TAL1: variants seen among roughly 807,000 people sequenced by gnomAD.
TAL1 encodes the protein T-cell acute lymphocytic leukemia protein 1.
In TAL1, 8 loss-of-function variants were observed where a neutral mutation model predicts 17.9. The observed-to-expected ratio is 0.45, with a 90% CI of 0.26 to 0.81. The LOEUF is 0.81. Among genes scored for constraint, TAL1 ranks in the 30% least tolerant of loss-of-function variants. TAL1 has a pLI of 0.17. For synonymous variants in TAL1, 223 were observed against 218.6 expected (o/e 1.02, Z -0.18); for missense variants, 466 against 486.9 (o/e 0.96, Z 0.40).
At chr1:47,225,031 A>G (rs995900574) in intron 2 of TAL1, among the ~76,000 whole-genome samples, 1 of 150,992 alleles carries the variant, frequency 6.6e-6, no homozygotes, top group African/African-American at 2.4e-5. Flanking sequence ...ATTTCACACC[A>G]CAAACATCTA....
chr1:47,225,783 C>G (rs1643899826), exon 2 of TAL1: 2 of 1,558,506 alleles, frequency 1.3e-6, no homozygotes, highest in Admixed American at 1.8e-5. Flanking sequence ...TTGGCGACGC[C>G]GTTCAGCAGG....
At chr1:47,225,475 G>A in exon 2 of TAL1, 2 of 1,235,566 alleles carry the variant, frequency 1.6e-6, no homozygotes, top group Non-Finnish European at 2.0e-6. Context: ...GGCTGAGGCT[G>A]TAGAGCAGCG....
At chr1:47,225,095 C>T (rs1293615749) in intron 2 of TAL1, among the ~76,000 whole-genome samples, 2 of 152,220 alleles carry the variant, frequency 1.3e-5, no homozygotes, top group African/African-American at 4.8e-5. Flanking sequence ...TACCCACGCT[C>T]AGGGGACTCC....
At chr1:47,225,493 G>C (rs1338860581) in exon 2 of TAL1, 6 of 1,234,930 alleles carry the variant, frequency 4.9e-6, no homozygotes, top group Non-Finnish European at 6.1e-6. Flanking sequence ...GCGCGCGGCC[G>C]GGGGCGGCGG....
At chr1:47,226,488 A>C (rs949750210) in intron 1 of TAL1, among the ~76,000 whole-genome samples, 4 of 152,216 alleles carry the variant, frequency 2.6e-5, no homozygotes, top group African/African-American at 7.2e-5. Context: ...CCACTCCGCC[A>C]GAGCTGGCAG....
exon 4 of TAL1, chr1:47,216,958 C>G (rs188166811): frequency 2.0e-4 from 46 of 232,268 alleles, no homozygotes; most frequent in African/African-American, 9.7e-4. Context: ...TTACAAAGAC[C>G]TAAAGACTTG....
exon 4 of TAL1, chr1:47,216,336 A>G (rs754859473): frequency 3.6e-5 from 8 of 219,228 alleles, no homozygotes; most frequent in Non-Finnish European, 7.3e-5. Context: ...ATACATCCTC[A>G]CATATATATA....
chr1:47,224,164 G>A, intron 2 of TAL1, 66 bp from the exon 4 acceptor site: 3 of 1,537,736 alleles, frequency 2.0e-6, no homozygotes, highest in Non-Finnish European at 2.7e-6. Flanking sequence ...AGCTTCCTTA[G>A]GGATCCTCCC....
At chr1:47,224,296 A>G (rs1557677770) in intron 2 of TAL1, among the ~76,000 whole-genome samples, 198 bp from the exon 4 acceptor site, 1 of 151,896 alleles carries the variant, frequency 6.6e-6, no homozygotes, top group Non-Finnish European at 1.5e-5. Flanking sequence ...GTCTGTCATA[A>G]AACAAGCAAA....
At chr1:47,219,502 C>G (rs1336598476) in exon 4 of TAL1, 2 of 758,528 alleles carry the variant, frequency 2.6e-6, no homozygotes, top group East Asian at 5.4e-5. Flanking sequence ...CAAAAAGTAC[C>G]TACCACTTTG....
chr1:47,224,521 C>T (rs1039875222), intron 2 of TAL1, among the ~76,000 whole-genome samples: 1 of 152,148 alleles, frequency 6.6e-6, no homozygotes, highest in Admixed American at 6.5e-5. Context: ...CCCACTCAGG[C>T]AAATGTAACC....
At chr1:47,224,137 G>T in intron 2 of TAL1, 39 bp from the exon 4 acceptor site, 1 of 1,596,080 alleles carries the variant, frequency 6.3e-7, no homozygotes, top group Non-Finnish European at 8.6e-7. Flanking sequence ...ATCCCATGTT[G>T]AGGGGAGGGG....
At chr1:47,226,647 G>T (rs1232053604) in intron 1 of TAL1, among the ~76,000 whole-genome samples, 1 of 152,234 alleles carries the variant, frequency 6.6e-6, no homozygotes, top group Non-Finnish European at 1.5e-5. Flanking sequence ...CTCAGACAGA[G>T]ATGAGAGGTC....
exon 2 of TAL1, chr1:47,225,472 G>A: frequency 8.1e-7 from 1 of 1,234,262 alleles, no homozygotes; most frequent in Non-Finnish European, 1.0e-6. Flanking sequence ...GCTGGCTGAG[G>A]CTGTAGAGCA....
intron 2 of TAL1, among the ~76,000 whole-genome samples, chr1:47,224,425 C>T (rs1643877888): frequency 2.0e-5 from 3 of 151,410 alleles, no homozygotes; most frequent in Admixed American, 6.6e-5. Context: ...CACACACACA[C>T]ACACTTCACA....
intron 2 of TAL1, 89 bp from the exon 4 acceptor site, chr1:47,224,187 G>GC: frequency 7.6e-7 from 1 of 1,323,418 alleles, no homozygotes; most frequent in Non-Finnish European, 1.1e-6. Flanking sequence ...CATGTCTTGA[G>GC]CCCCCCACCT....
Position 47,225,421 on chromosome 1 carries a change from CCCCT to C in TAL1, c.446+18_446+21del, listed in dbSNP as rs1463935523. 4.9e-6 allele frequency: 6 copies of C among 1,228,998 alleles called. No homozygotes were observed. Among genetic ancestry groups the C allele is most frequent in the Non-Finnish European group, 6.1e-6 (6 of 986,350 alleles). The allele number at this position is 1,228,998 out of a possible 1,614,324, so 76.1% of individuals were successfully genotyped here. A position where few individuals can be genotyped will look rare whatever the true frequency, so the allele number is the denominator to read the frequency against. ...CCCTGCCCACCCGCCCAGCCCCTGG[CCCCT>C]GGCCCCTGGCCCCTGACCTGCCGAG... is the stretch of plus-strand genomic sequence containing the variant. On this transcript the variant is annotated intron_variant, in intron 2 of 3. Coordinates refer to ENST00000294339, the Ensembl canonical transcript of TAL1.
intron 3 of TAL1, 140 bp from the exon 5 acceptor site, chr1:47,220,314 G>A: frequency 7.4e-7 from 1 of 1,348,118 alleles, no homozygotes; most frequent in Non-Finnish European, 9.6e-7. Flanking sequence ...TCAAATTCAA[G>A]TTCCTGTGCT....
At chr1:47,219,059 C>G (rs970230152) in exon 4 of TAL1, 6 of 326,314 alleles carry the variant, frequency 1.8e-5, no homozygotes, top group African/African-American at 1.2e-4. Context: ...GAAAGCAGAA[C>G]TTTGATCCCC....
Sources: gnomAD v4.1 joint callset for allele counts (sites outside exome capture counted in the v4.1 genomes callset) on GRCh38, gnomAD v4.1.1 for gene constraint, MANE v1.5 for transcripts, NCBI Gene and HGNC (gene_info 2026-07-23, HGNC 2026-07-21) for gene names.